Variants in FRAS1 observed in about 807,000 individuals in gnomAD.
The protein encoded by FRAS1 is extracellular matrix organizing protein FRAS1.
A neutral mutation model predicts 435.2 loss-of-function variants in FRAS1; 290 were observed. The observed-to-expected ratio is 0.67, with a 90% confidence interval of 0.61 to 0.73. The LOEUF (loss-of-function observed/expected upper bound fraction) is 0.73. Ranked by LOEUF, FRAS1 falls within the 30% of genes least tolerant of loss-of-function variation. The pLI is 0.00. For synonymous variants in FRAS1, 1,800 were observed against 1,851.0 expected (o/e 0.97, Z 0.71); for missense variants, 4,860 against 5,001.5 (o/e 0.97, Z 0.85).
chr4:78,494,338 A>C (rs747894033), intron 59 of FRAS1, among the ~76,000 whole-genome samples: 10 of 152,124 alleles, frequency 6.6e-5, no homozygotes, highest in Non-Finnish European at 1.3e-4. Context: ...TAGTTCATAA[A>C]GAAAAGGGGT....
intron 4 of FRAS1, among the ~76,000 whole-genome samples, chr4:78,247,003 A>G (rs1725276308): frequency 6.6e-6 from 1 of 152,194 alleles, no homozygotes; most frequent in Non-Finnish European, 1.5e-5. Flanking sequence ...TGCTCAATAA[A>G]CACAGGTGAA....
chr4:78,277,014 G>C (rs1727078074), intron 9 of FRAS1, among the ~76,000 whole-genome samples: 1 of 152,146 alleles, frequency 6.6e-6, no homozygotes, highest in Admixed American at 6.5e-5. Context: ...CTCAGCAATG[G>C]CATGCACCCC....
At chr4:78,136,252 C>G (rs1050084700) in intron 2 of FRAS1, among the ~76,000 whole-genome samples, 3 of 152,166 alleles carry the variant, frequency 2.0e-5, no homozygotes, top group African/African-American at 7.2e-5. Context: ...GTGAAAAGGA[C>G]ACTTGTCTAC....
chr4:78,095,775 G>A (rs926587037), intron 2 of FRAS1, among the ~76,000 whole-genome samples: 15 of 152,190 alleles, frequency 9.9e-5, no homozygotes, highest in Non-Finnish European at 1.6e-4. Flanking sequence ...CCATGATTCA[G>A]TTATCTCTGC....
intron 2 of FRAS1, chr4:78,181,775 T>C: frequency 6.2e-7 from 1 of 1,610,924 alleles, no homozygotes; most frequent in Non-Finnish European, 8.5e-7. Context: ...CTCCTCTTTC[T>C]TGTCAACCAC....
Position 78,076,845 on chromosome 4 carries a change from T to C in FRAS1, c.108+10829T>C, listed in dbSNP as rs1356254885. Reference sequence around the variant, plus strand: ...GGTTGCCACTTTAGAGGAATCAAACTGTTGAAGAGAAATAAGTATCCTTTT... The same window carrying C: ...GGTTGCCACTTTAGAGGAATCAAACCGTTGAAGAGAAATAAGTATCCTTTT... On this transcript the variant is annotated intron_variant, in intron 2 of 73. Transcript: ENST00000512123. 7.2e-5 allele frequency among the ~76,000 whole-genome samples: 11 copies of C among 152,314 alleles called. 1 individual carries two copies. The South Asian group carries it at 2.1e-3, about 29-fold the overall frequency.
At chr4:78,366,899 C>T (rs1731295820) in intron 22 of FRAS1, among the ~76,000 whole-genome samples, 1 of 152,166 alleles carries the variant, frequency 6.6e-6, no homozygotes, top group Non-Finnish European at 1.5e-5. Flanking sequence ...CTGTGTCAGA[C>T]AGGGTCAGCC....
chr4:78,453,403 TTG>T (rs778880944), intron 47 of FRAS1, among the ~76,000 whole-genome samples: 4 of 151,992 alleles, frequency 2.6e-5, no homozygotes, highest in Non-Finnish European at 5.9e-5. Context: ...CAATAGACAT[TTG>T]TTGGTTGAAT....
Position 78,076,861 on chromosome 4 carries a change from G to A in FRAS1, c.108+10845G>A, listed in dbSNP as rs961433236. The stretch of plus-strand genomic sequence containing the variant: ...GAATCAAACTGTTGAAGAGAAATAA[G>A]TATCCTTTTATATTTCTTACTCTGT... On this transcript the variant is annotated intron_variant, in intron 2 of 73. Transcript: ENST00000512123. Among the ~76,000 whole-genome samples, 11 of 152,238 alleles carry A rather than the reference G, an allele frequency of 7.2e-5. No homozygotes were observed. In the East Asian group the frequency reaches 2.1e-3, roughly 29 times the overall value.
At chr4:78,306,218 C>T (rs867347873) in intron 14 of FRAS1, among the ~76,000 whole-genome samples, 5 of 151,886 alleles carry the variant, frequency 3.3e-5, no homozygotes, top group Non-Finnish European at 5.9e-5. Context: ...TGTAGAGTTT[C>T]GGCCAAGAGA....
intron 2 of FRAS1, among the ~76,000 whole-genome samples, chr4:78,128,080 A>G (rs898038831): frequency 5.9e-5 from 9 of 151,902 alleles, no homozygotes; most frequent in Non-Finnish European, 1.3e-4. Flanking sequence ...AAGGACATGA[A>G]CTCATCATTT....
chr4:78,089,393 A>T (rs1282246324), intron 2 of FRAS1, among the ~76,000 whole-genome samples: 1 of 152,164 alleles, frequency 6.6e-6, no homozygotes, highest in Non-Finnish European at 1.5e-5. Flanking sequence ...ACAAACCTGC[A>T]CATTGTGCAC....
intron 65 of FRAS1, among the ~76,000 whole-genome samples, chr4:78,514,520 T>G (rs566620574): frequency 4.3e-4 from 66 of 152,362 alleles, no homozygotes; most frequent in South Asian, 2.9e-3. Context: ...AGAAATTAGC[T>G]GAGTGAAAAT....
chr4:78,172,149 G>A (rs1274791842), intron 2 of FRAS1, among the ~76,000 whole-genome samples: 4 of 152,032 alleles, frequency 2.6e-5, no homozygotes, highest in Non-Finnish European at 5.9e-5. Flanking sequence ...TTTCCCTGTA[G>A]TGTCTGTATC....
chr4:78,286,084 T>C (rs1374675014), intron 13 of FRAS1, among the ~76,000 whole-genome samples: 2 of 152,200 alleles, frequency 1.3e-5, no homozygotes, highest in South Asian at 2.1e-4. Flanking sequence ...CTGCTTGGTT[T>C]CAAATGCCAG....
Position 78,499,928 on chromosome 4 carries a change from G to A in FRAS1, c.9316+7G>A. On this transcript the variant is annotated splice_region_variant and intron_variant, in intron 61 of 73. Coordinates refer to ENST00000512123, the MANE Select transcript of FRAS1 (RefSeq NM_025074.7). ...GTCTTGAAGTTCAGTCCCGGTAATT[G>A]AATGCCAACCTCAATCTGTGGGTTT... is the stretch of plus-strand genomic sequence containing the variant. 1 of 1,527,580 alleles carries A rather than the reference G, an allele frequency of 6.5e-7. No homozygotes were observed. Among genetic ancestry groups the A allele is most frequent in the Non-Finnish European group, 8.9e-7 (1 of 1,127,272 alleles). 94.6% of individuals were successfully genotyped at this position (1,527,580 alleles called of 1,614,324 possible). A position where few individuals can be genotyped will look rare whatever the true frequency, so the allele number is the denominator to read the frequency against.
intron 9 of FRAS1, among the ~76,000 whole-genome samples, chr4:78,271,269 A>G (rs1014041701): frequency 4.4e-4 from 10 of 22,750 alleles, no homozygotes; most frequent in African/African-American, 6.9e-4. Context: ...GAGAAACATT[A>G]CCATTCTTTT....
At chr4:78,099,321 G>A (rs1053733207) in intron 2 of FRAS1, among the ~76,000 whole-genome samples, 1 of 152,170 alleles carries the variant, frequency 6.6e-6, no homozygotes, top group East Asian at 1.9e-4. Context: ...TTCTATAAGT[G>A]GCGCTTCCAG....
At chr4:78,426,681 A>G (rs1734009349) in intron 35 of FRAS1, among the ~76,000 whole-genome samples, 1 of 152,220 alleles carries the variant, frequency 6.6e-6, no homozygotes, top group Admixed American at 6.5e-5. Flanking sequence ...TGAGCAAGGA[A>G]CACACTTAAG....
Sources: allele counts gnomAD v4.1 joint callset (sites outside exome capture counted in the v4.1 genomes callset), GRCh38; gene constraint gnomAD v4.1.1; transcripts MANE v1.5; gene names NCBI Gene and HGNC (gene_info 2026-07-23, HGNC 2026-07-21).